Variants in PGM3 observed in about 807,000 individuals in gnomAD.
The protein encoded by PGM3 is phosphoglucomutase 3, also known as phosphoacetylglucosamine mutase.
A neutral mutation model predicts 66.2 loss-of-function variants in PGM3; 40 were observed. The ratio of observed to expected loss-of-function variants is 0.60; its 90% CI spans 0.47 to 0.79. The LOEUF (loss-of-function observed/expected upper bound fraction) is 0.79, where lower values mean the gene tolerates loss of function less well. Ranked by LOEUF, PGM3 falls within the 30% of genes least tolerant of loss-of-function variation. The pLI is 0.00. For missense variants in PGM3, 537 were observed against 643.4 expected (o/e 0.83, Z 1.79); for synonymous variants, 191 against 224.2 (o/e 0.85, Z 1.32).
intron 4 of PGM3, among the ~76,000 whole-genome samples, chr6:83,186,609 A>G (rs1411897664): frequency 6.6e-6 from 1 of 152,222 alleles, no homozygotes; most frequent in Non-Finnish European, 1.5e-5. Flanking sequence ...AATATTTCCC[A>G]TCACTACTTG....
At chr6:83,185,783 A>G (rs1459232838) in intron 4 of PGM3, among the ~76,000 whole-genome samples, 1 of 152,010 alleles carries the variant, frequency 6.6e-6, no homozygotes, top group Non-Finnish European at 1.5e-5. Flanking sequence ...AAATAAGTAA[A>G]TAAATAAATA....
At chr6:83,183,192 T>A (rs1011397984) in intron 4 of PGM3, among the ~76,000 whole-genome samples, 2 of 152,134 alleles carry the variant, frequency 1.3e-5, no homozygotes, top group African/African-American at 4.8e-5. Context: ...AATGTAAATA[T>A]AAAGCAATAC....
downstream of PGM3, chr6:83,157,065 AT>A (rs1352518518): frequency 1.0e-6 from 1 of 992,276 alleles, no homozygotes; most frequent in Non-Finnish European, 1.4e-6. Context: ...ACAGTTTTGA[AT>A]TTTTTTAAAG....
chr6:83,176,087 C>G, intron 8 of PGM3, 27 bp from the exon 9 acceptor site: 1 of 1,212,924 alleles, frequency 8.2e-7, no homozygotes, highest in East Asian at 2.3e-5. Flanking sequence ...TAAAGAAATA[C>G]AGCAATTACT....
At chr6:83,151,759 G>A in the PGM3 span, 2 of 1,448,984 alleles carry the variant, frequency 1.4e-6, no homozygotes, top group Non-Finnish European at 1.9e-6. Context: ...TTTCAACTCT[G>A]AACATTCTAT....
chr6:83,170,357 C>T lies in PGM3; in HGVS notation c.1487G>A (p.Arg496Gln), dbSNP rs1447955006. 3 of 1,614,104 alleles carry T rather than the reference C, an allele frequency of 1.9e-6. No individual in the cohort carries two copies. The highest frequency in any genetic ancestry group is 1.7e-6 in the Non-Finnish European group (2 of 1,179,980). Residue 496 changes from arginine to glutamine, a missense_variant, in exon 12 of 13, where the codon CGG becomes CAG. By Grantham distance (43) the Arg-to-Gln change is conservative (BLOSUM62 1). Transcript: ENST00000513973. ...KKYKLSRAFVRPSGTEDVVRV... is the reference protein window; with the variant it reads ...KKYKLSRAFVQPSGTEDVVRV... ...GACGACATCTTCTGTACCAGAGGGC[C>T]GGACAAAAGCTCGAGAAAGCTTGTA...
intron 11 of PGM3, chr6:83,170,749 CA>C (rs1786915441): frequency 7.1e-6 from 2 of 280,708 alleles, no homozygotes; most frequent in Non-Finnish European, 1.3e-5. Flanking sequence ...GACTAAGTCC[CA>C]TATCACACAC....
intron 12 of PGM3, chr6:83,169,787 T>C (rs1429483807): frequency 2.2e-6 from 1 of 457,534 alleles, no homozygotes. Context: ...GCACACACTT[T>C]AAGGAGTATG....
chr6:83,191,197 T>C, intron 1 of PGM3, 183 bp from the exon 2 acceptor site: 1 of 1,533,880 alleles, frequency 6.5e-7, no homozygotes, highest in South Asian at 1.2e-5. Flanking sequence ...CTACAAGATG[T>C]TGTCCAACTT....
the PGM3 span, among the ~76,000 whole-genome samples, chr6:83,154,917 C>T: frequency 6.6e-6 from 1 of 152,086 alleles, no homozygotes; most frequent in Non-Finnish European, 1.5e-5. Context: ...GGAAAAAGGG[C>T]AGGATATCTG....
chr6:83,171,734 G>A (rs924081735), intron 11 of PGM3, among the ~76,000 whole-genome samples: 7 of 152,102 alleles, frequency 4.6e-5, no homozygotes, highest in Non-Finnish European at 7.4e-5. Context: ...TGATCCGCCC[G>A]CTTTGGCCTC....
chr6:83,160,871 T>G (rs184111777), downstream of PGM3, among the ~76,000 whole-genome samples: 14 of 152,116 alleles, frequency 9.2e-5, no homozygotes, highest in Non-Finnish European at 2.1e-4. Context: ...GCTCCAAAAT[T>G]TGCTATTTTA....
intron 8 of PGM3, 63 bp downstream of exon 8, chr6:83,178,610 A>T: frequency 1.1e-6 from 1 of 892,416 alleles, no homozygotes; most frequent in Non-Finnish European, 1.9e-6. Flanking sequence ...TGAGGGCAGT[A>T]TCTTTCTCAC....
At chr6:83,155,342 C>G in the PGM3 span, among the ~76,000 whole-genome samples, 2 of 151,962 alleles carry the variant, frequency 1.3e-5, no homozygotes, top group Non-Finnish European at 2.9e-5. Flanking sequence ...TGGTATGTAC[C>G]TGTAGTCTCA....
intron 1 of PGM3, among the ~76,000 whole-genome samples, chr6:83,191,715 G>A (rs1789074619): frequency 6.6e-6 from 1 of 152,184 alleles, no homozygotes; most frequent in Admixed American, 6.5e-5. Context: ...TCGGCCGGGA[G>A]CGGTGGCTCA....
rs1469972393 is a variant in PGM3, at chr6:83,186,996, A to T, written c.457+12T>A. Reference sequence around the variant, plus strand: ...ATATTAGTTTAATTTCCAACTCAGGATAACTACATACCATGGAATTGACCT... The same window carrying T: ...ATATTAGTTTAATTTCCAACTCAGGTTAACTACATACCATGGAATTGACCT... On this transcript the variant is annotated intron_variant, in intron 4 of 12. Transcript: ENST00000513973. 1.4e-6 allele frequency: 2 copies of T among 1,436,874 alleles called. No homozygotes were observed. Among genetic ancestry groups the T allele is most frequent in the Non-Finnish European group, 1.9e-6 (2 of 1,038,060 alleles). The allele number at this position is 1,436,874 out of a possible 1,614,324, so 89.0% of individuals were successfully genotyped here.
chr6:83,191,322 A>C, intron 1 of PGM3: 189 of 1,152,690 alleles, frequency 1.6e-4, no homozygotes, highest in Non-Finnish European at 2.2e-4. Context: ...GTCCACTCTC[A>C]ACTAAAATGA....
the PGM3 span, chr6:83,153,983 A>C: frequency 6.2e-7 from 1 of 1,614,066 alleles, no homozygotes; most frequent in Non-Finnish European, 8.5e-7. Context: ...TGGAAAAAAG[A>C]AGCTTTTGAC....
chr6:83,192,334 G>A (rs1789189282), intron 1 of PGM3, among the ~76,000 whole-genome samples: 1 of 152,220 alleles, frequency 6.6e-6, no homozygotes, highest in African/African-American at 2.4e-5. Context: ...CTCCCATTAA[G>A]TGGAACTTGG....
Sources: gnomAD v4.1 joint callset for allele counts (sites outside exome capture counted in the v4.1 genomes callset) on GRCh38, gnomAD v4.1.1 for gene constraint, MANE v1.5 for transcripts, NCBI Gene and HGNC (gene_info 2026-07-23, HGNC 2026-07-21) for gene names.